The following RUVBL1 variants were observed in gnomAD, a reference collection of about 807,000 sequenced individuals.
RUVBL1 encodes RuvB like AAA ATPase 1.
A neutral mutation model predicts 52.4 loss-of-function variants in RUVBL1; 4 were observed. The ratio of observed to expected loss-of-function variants is 0.08; its 90% confidence interval spans 0.04 to 0.17. RUVBL1 has a LOEUF of 0.17. Among genes scored for constraint, RUVBL1 ranks in the 10% least tolerant of loss-of-function variants. The probability of loss-of-function intolerance (pLI) is 1.00; values close to 1 mark genes in which losing one functional copy is unlikely to be tolerated. For synonymous variants in RUVBL1, 217 were observed against 214.4 expected (o/e 1.01, Z -0.10); for missense variants, 298 against 572.8 (o/e 0.52, Z 4.90).
At position 128,082,602 on chromosome 3, in the gene RUVBL1, C is replaced by A; in HGVS notation, c.1120-28G>T. ...TTTAAAGGATAAAAAACATGATCAA[C>A]GGTGACTGACCTCAAGTGCCCCATT... On this transcript the variant is annotated intron_variant, in intron 9 of 10. Transcript: ENST00000322623. The surrounding 1 kb of genome is among the most constrained non-coding windows in gnomAD (Gnocchi z 4.7). 1 of 1,548,942 alleles carries A rather than the reference C, an allele frequency of 6.5e-7. No individual in the cohort carries two copies. Among genetic ancestry groups the A allele is most frequent in the Non-Finnish European group, 8.9e-7 (1 of 1,125,976 alleles).
chr3:128,131,886 C>A (rs1943881567), intron 1 of RUVBL1, among the ~76,000 whole-genome samples: 1 of 152,074 alleles, frequency 6.6e-6, no homozygotes, highest in Admixed American at 6.6e-5. Context: ...CAGCAGGAAA[C>A]CAAATTGAAA....
Position 128,081,022 on chromosome 3 carries a change from C to T in RUVBL1, c.*228G>A. The T allele has an allele frequency of 2.1e-5, 10 of 465,696 alleles. No homozygotes were observed. Among genetic ancestry groups the T allele is most frequent in the Non-Finnish European group, 3.8e-5 (10 of 264,124 alleles). The allele number at this position is 465,696 out of a possible 1,614,324, so 28.8% of individuals were successfully genotyped here. A position where few individuals can be genotyped will look rare whatever the true frequency, so the allele number is the denominator to read the frequency against. ...AGAGAGAGAGAGAGAATCAAAATAACCTATGAAGATTTATAGAAAACACAC... is the reference window on the plus strand; with the variant it reads ...AGAGAGAGAGAGAGAATCAAAATAATCTATGAAGATTTATAGAAAACACAC... On this transcript the variant is annotated 3_prime_UTR_variant, in exon 11 of 11. Transcript: ENST00000322623. The surrounding 1 kb of genome is among the most constrained non-coding windows in gnomAD (Gnocchi z 4.8).
chr3:128,114,381 T>G (rs926068743), intron 2 of RUVBL1, among the ~76,000 whole-genome samples: 1 of 152,220 alleles, frequency 6.6e-6, no homozygotes. Context: ...AGAATCAGTG[T>G]ATAGCACAGT....
chr3:128,119,448 A>G (rs763400940), intron 1 of RUVBL1, 34 bp from the exon 2 acceptor site: 53 of 1,558,038 alleles, frequency 3.4e-5, no homozygotes, highest in Non-Finnish European at 4.6e-5. Context: ...TAATAAATCA[A>G]TATTAAAATG....
chr3:128,071,132 T>G (rs1266915904), intron 9 of RUVBL1: 1 of 152,324 alleles, frequency 6.6e-6, no homozygotes, highest in African/African-American at 2.4e-5. Flanking sequence ...TCTGGAGACC[T>G]TGCTGGCAGT....
chr3:128,131,228 A>T, intron 1 of RUVBL1, among the ~76,000 whole-genome samples: 1 of 152,116 alleles, frequency 6.6e-6, no homozygotes, highest in East Asian at 1.9e-4. Flanking sequence ...CAGGCTGGGC[A>T]TGGTGGTTCA....
At chr3:128,071,782 T>C (rs11708842) in intron 9 of RUVBL1, 35,249 of 152,604 alleles carry the variant, frequency 0.23, 4,146 homozygotes, top group South Asian at 0.27. Flanking sequence ...AAAGGCTTGG[T>C]TGGGGCACTC....
chr3:128,117,936 A>ACAT (rs1196312996), intron 2 of RUVBL1, among the ~76,000 whole-genome samples: 1 of 152,214 alleles, frequency 6.6e-6, no homozygotes, highest in African/African-American at 2.4e-5. Flanking sequence ...GGAGCAAATA[A>ACAT]CATTGAGAGA....
chr3:128,119,066 TGAAAGA>T (rs568589794), intron 2 of RUVBL1, among the ~76,000 whole-genome samples: 57 of 152,246 alleles, frequency 3.7e-4, no homozygotes, highest in African/African-American at 1.3e-3. Context: ...AAAGGAGACT[TGAAAGA>T]GAAAAAGGAC....
At chr3:128,123,833 G>A, upstream of RUVBL1, 1 of 1,379,960 alleles carries the variant, frequency 7.2e-7, no homozygotes, top group Non-Finnish European at 9.5e-7. Flanking sequence ...GCAAAGGCCC[G>A]CCTAGACCGG....
chr3:128,103,376 C>T (rs937987176), intron 4 of RUVBL1, among the ~76,000 whole-genome samples: 4 of 151,976 alleles, frequency 2.6e-5, no homozygotes, highest in Non-Finnish European at 4.4e-5. Context: ...ATGGAAGTGA[C>T]GAGGGGTAGG....
At chr3:128,074,595 C>T (rs9819578) in intron 9 of RUVBL1, among the ~76,000 whole-genome samples, 35,091 of 151,992 alleles carry the variant, frequency 0.23, 4,116 homozygotes, top group South Asian at 0.27. Flanking sequence ...GTAATTCTGG[C>T]ACTGTGGGAG....
intron 1 of RUVBL1, among the ~76,000 whole-genome samples, chr3:128,148,103 G>A (rs1476333750): frequency 4.0e-5 from 6 of 151,512 alleles, no homozygotes; most frequent in Non-Finnish European, 7.4e-5. Flanking sequence ...AGGTGTAGGA[G>A]GGGTTGATCA....
Position 128,082,410 on chromosome 3 carries a change from T to G in RUVBL1, c.1211+73A>C. 1.8e-6 allele frequency: 2 copies of G among 1,127,246 alleles called. No individual in the cohort carries two copies. The highest frequency in any genetic ancestry group is 2.7e-6 in the Non-Finnish European group (2 of 741,526). The allele number at this position is 1,127,246 out of a possible 1,614,324, so 69.8% of individuals were successfully genotyped here. On this transcript the variant is annotated intron_variant, in intron 10 of 10. Coordinates refer to ENST00000322623, the MANE Select transcript of RUVBL1 (RefSeq NM_003707.3). The surrounding 1 kb of genome is among the most constrained non-coding windows in gnomAD (Gnocchi z 4.7). ...TGCCCTAGGAAGGGACCTGCCTTTA[T>G]TGTCCAGAATGACCCCAGCGAGGGC...
upstream of RUVBL1, among the ~76,000 whole-genome samples, chr3:128,127,421 C>T (rs142701072): frequency 5.6e-4 from 86 of 152,308 alleles, no homozygotes; most frequent in African/African-American, 2.0e-3. Flanking sequence ...CTTACTCCCA[C>T]GACCTTTGCT....
chr3:128,077,345 A>G (rs1310916869), downstream of RUVBL1, among the ~76,000 whole-genome samples: 1 of 151,568 alleles, frequency 6.6e-6, no homozygotes, highest in African/African-American at 2.4e-5. Flanking sequence ...CTCACCCCCT[A>G]TCCTCTTATG....
chr3:128,153,492 A>G, exon 1 of RUVBL1: 1 of 1,476,274 alleles, frequency 6.8e-7, no homozygotes. Flanking sequence ...CGGGTGTCCG[A>G]GGCGGCGGCG....
At chr3:128,115,207 C>T (rs1482265911) in intron 2 of RUVBL1, among the ~76,000 whole-genome samples, 1 of 152,132 alleles carries the variant, frequency 6.6e-6, no homozygotes, top group Non-Finnish European at 1.5e-5. Flanking sequence ...TACCAACACA[C>T]CCAAGGTAAA....
rs774685925 is a variant in RUVBL1 at position 128,081,235 on chromosome 3, A to C, written c.*15T>G. The stretch of plus-strand genomic sequence containing the variant: ...ACACCTGGGGAGTCTCTTACTGCTG[A>C]AAACCTCAGCCATCTCACTTCATGT... On this transcript the variant is annotated 3_prime_UTR_variant, in exon 11 of 11. Transcript: ENST00000322623. This position sits in a 1 kb window ranked among gnomAD's most constrained non-coding sequence, Gnocchi z 4.8. The C allele has an allele frequency of 1.9e-6, 3 of 1,610,114 alleles. No homozygotes were observed.
Sources: gnomAD v4.1 joint callset for allele counts (sites outside exome capture counted in the v4.1 genomes callset) on GRCh38, gnomAD v4.1.1 for gene constraint, Gnocchi (gnomAD v3.1) non-coding constraint, MANE v1.5 for transcripts, NCBI Gene and HGNC (gene_info 2026-07-23, HGNC 2026-07-21) for gene names.